Variants in HMCN1 observed in about 807,000 individuals in gnomAD.
HMCN1 encodes hemicentin-1.
In HMCN1, 321 loss-of-function variants were observed where a neutral mutation model predicts 625.9. That is an observed-to-expected ratio of 0.51 (90% CI 0.47 to 0.56). The LOEUF (loss-of-function observed/expected upper bound fraction) is 0.56. HMCN1 is among the 20% of genes least tolerant of loss of function. The probability of loss-of-function intolerance (pLI) is 0.00; values close to 1 mark genes in which losing one functional copy is unlikely to be tolerated. For missense variants in HMCN1, 6,588 were observed against 6,887.3 expected, an observed-to-expected ratio of 0.96 and a Z score of 1.54; for synonymous variants, 2,425 against 2,417.6, an observed-to-expected ratio of 1.00 and a Z score of -0.09.
Position 186,088,271 on chromosome 1 carries a change from G to T in HMCN1, c.9572G>T (p.Arg3191Leu), listed in dbSNP as rs368825571. The T allele has an allele frequency of 1.2e-6, 2 of 1,612,530 alleles. No homozygotes were observed. The highest frequency in any genetic ancestry group is 1.1e-5 in the South Asian group (1 of 91,060). Residue 3191 changes from arginine (R) to leucine (L), a missense_variant, in exon 62 of 107, where the codon CGC becomes CTC. By Grantham distance (102) the Arg-to-Leu change is moderately radical. Coordinates refer to ENST00000271588, the MANE Select transcript of HMCN1 (RefSeq NM_031935.3). ...PTIAWLKNHK[R>L]IENSDSLEVR... ...ATAGCATGGTTAAAGAACCACAAGC[G>T]CATAGGTAAGGCAACCATGCATTTT...
At chr1:185,837,709 C>T (rs1317679166) in intron 1 of HMCN1, among the ~76,000 whole-genome samples, 1 of 151,984 alleles carries the variant, frequency 6.6e-6, no homozygotes, top group Admixed American at 6.6e-5. Context: ...GTAGAGAGTA[C>T]TATTTAACCC....
intron 11 of HMCN1, among the ~76,000 whole-genome samples, chr1:185,947,222 A>T (rs1668393986): frequency 6.6e-6 from 1 of 152,196 alleles, no homozygotes; most frequent in Non-Finnish European, 1.5e-5. Flanking sequence ...GGGTTGTCCA[A>T]TAGGACTTTC....
rs536252393 is a variant in HMCN1 at position 186,051,224 on chromosome 1, G to A, written c.6578-1728G>A. Reference sequence around the variant, plus strand: ...AATAAACTAAAGGGATTTAAAGAAGGACCGGATGCTCAGGTCTGTATTTTA... The same window carrying A: ...AATAAACTAAAGGGATTTAAAGAAGAACCGGATGCTCAGGTCTGTATTTTA... On this transcript the variant is annotated intron_variant, in intron 42 of 106. Coordinates refer to ENST00000271588, the MANE Select transcript of HMCN1 (RefSeq NM_031935.3). Among the ~76,000 whole-genome samples the A allele has an allele frequency of 3.5e-4, 54 of 152,164 alleles. 1 individual carries two copies. The South Asian group carries it at 0.011, about 30-fold the overall frequency.
At chr1:185,982,503 G>C in intron 18 of HMCN1, 114 bp downstream of exon 18, 66 of 971,528 alleles carry the variant, frequency 6.8e-5, no homozygotes, top group South Asian at 1.1e-4. Context: ...TGCAGTGGTG[G>C]GATCTAGGCT....
chr1:185,962,431 G>A, intron 11 of HMCN1, 87 bp from the exon 12 acceptor site: 1 of 1,095,408 alleles, frequency 9.1e-7, no homozygotes, highest in Non-Finnish European at 1.4e-6. Context: ...ATGTGGTGGT[G>A]AGAAACCTAC....
chr1:186,123,256 C>T, intron 81 of HMCN1, 36 bp downstream of exon 81: 1 of 1,595,722 alleles, frequency 6.3e-7, no homozygotes, highest in Non-Finnish European at 8.5e-7. Flanking sequence ...TAGTCTGCTG[C>T]ACTACCATGG....
chr1:186,093,195 T>C lies in HMCN1; in HGVS notation c.9949T>C (p.Tyr3317His). The C allele has an allele frequency of 1.2e-6, 2 of 1,613,364 alleles. No homozygotes were observed. Among genetic ancestry groups the C allele is most frequent in the Non-Finnish European group, 1.7e-6 (2 of 1,179,576 alleles). ...AGCTCTTACATCTGACACGGGGAAA[T>C]ACACATGTGTTGCTACTAATCCCGC... Reference protein sequence around the residue: ...YGALTSDTGKYTCVATNPAGE... With the variant: ...YGALTSDTGKHTCVATNPAGE... The change falls in exon 65 of 107, where the codon TAC becomes CAC. Residue 3317 changes from tyrosine (Y) to histidine (H), a missense_variant. Around this residue, in one of 3 missense-constraint regions of HMCN1, gnomAD observed 4,628 missense variants for 4,853.1 expected, o/e 0.95. Transcript: ENST00000271588.
rs141393950 is a variant in HMCN1, at chr1:186,061,927, T to C, written c.7389T>C (p.Ala2463=). 5.0e-6 allele frequency: 8 copies of C among 1,612,708 alleles called. No individual in the cohort carries two copies. In the African/African-American group the frequency reaches 9.3e-5, roughly 19 times the overall value. The change falls in exon 47 of 107, where the codon GCT becomes GCC. Residue 2463 remains alanine (A), a synonymous_variant. Transcript: ENST00000271588. ...ATACTTGCGTTGTAAGGAATGCAGC[T>C]GGTGAAGAAAGAAAAATCTTTGGGC... is the stretch of plus-strand genomic sequence containing the variant. ...GQYTCVVRNA[A]GEERKIFGLS...
Position 186,119,900 on chromosome 1 carries a change from T to G in HMCN1, c.12094+18T>G. 5 of 1,614,086 alleles carry G rather than the reference T, an allele frequency of 3.1e-6. No individual in the cohort carries two copies. Among genetic ancestry groups the G allele is most frequent in the Non-Finnish European group, 4.2e-6 (5 of 1,179,960 alleles). ...CACTTCAGGTACCTACCACTGTTTT[T>G]CTATCAAGAAAATCATAGCACATCA... On this transcript the variant is annotated intron_variant, in intron 79 of 106. Coordinates refer to ENST00000271588, the MANE Select transcript of HMCN1 (RefSeq NM_031935.3).
intron 18 of HMCN1, 131 bp downstream of exon 18, chr1:185,982,520 A>T: frequency 1.3e-6 from 1 of 796,930 alleles, no homozygotes; most frequent in Non-Finnish European, 2.0e-6. Context: ...GGCTCACCGC[A>T]ACCTCTGCCT....
chr1:186,107,022 T>C, intron 70 of HMCN1, 57 bp downstream of exon 70: 8 of 1,010,802 alleles, frequency 7.9e-6, no homozygotes, highest in Non-Finnish European at 1.1e-5. Context: ...TAGAAAACCC[T>C]GGGACAACAC....
intron 1 of HMCN1, among the ~76,000 whole-genome samples, chr1:185,759,123 G>A (rs1435432875): frequency 6.6e-6 from 1 of 152,152 alleles, no homozygotes; most frequent in Non-Finnish European, 1.5e-5. Flanking sequence ...ACATAACTTG[G>A]CTGGAACCTG....
intron 2 of HMCN1, among the ~76,000 whole-genome samples, 189 bp downstream of exon 2, chr1:185,846,285 G>A (rs1661808941): frequency 6.6e-6 from 1 of 152,170 alleles, no homozygotes; most frequent in Non-Finnish European, 1.5e-5. Context: ...TAGGACAGAT[G>A]GGGTTTGAAA....
chr1:185,977,891 T>C lies in HMCN1; in HGVS notation c.2476T>C (p.Trp826Arg). The C allele has an allele frequency of 6.2e-7, 1 of 1,613,458 alleles. No individual in the cohort carries two copies. The highest frequency in any genetic ancestry group is 8.5e-7 in the Non-Finnish European group (1 of 1,179,578). Residue 826 changes from tryptophan (W) to arginine (R), a missense_variant, in exon 16 of 107, where the codon TGG (tryptophan) becomes CGG (arginine). By Grantham distance (101) the Trp-to-Arg change is moderately radical (BLOSUM62 -3). Transcript: ENST00000271588. ...VQGYPEPTIK[W>R]RRLDNMPIFS... Reference sequence around the variant, plus strand: ...GGGTTATCCAGAACCAACAATCAAATGGCGAAGATTAGACAACATGCCAAT... The same window carrying C: ...GGGTTATCCAGAACCAACAATCAAACGGCGAAGATTAGACAACATGCCAAT...
chr1:186,000,236 C>T lies in HMCN1; in HGVS notation c.4066C>T (p.His1356Tyr), dbSNP rs1653085372. Residue 1356 changes from histidine to tyrosine, a missense_variant, in exon 26 of 107, where the codon CAT becomes TAT. Physicochemically the swap from His to Tyr is moderately conservative, Grantham distance 83 (BLOSUM62 2). Around this residue, in one of 3 missense-constraint regions of HMCN1, gnomAD observed 4,628 missense variants for 4,853.1 expected, o/e 0.95. Coordinates refer to ENST00000271588, the MANE Select transcript of HMCN1 (RefSeq NM_031935.3). ...AGAAAGAAAATATAACCTCAAAGTC[C>T]ATGGTAAATGTAGCTAAAATCATGT... ...TTERKYNLKVHVPPVIKDKEQ... is the reference protein window; with the variant it reads ...TTERKYNLKVYVPPVIKDKEQ... The T allele has an allele frequency of 1.2e-6, 2 of 1,611,108 alleles. No homozygotes were observed. The highest frequency in any genetic ancestry group is 2.2e-5 in the South Asian group (2 of 90,994).
intron 15 of HMCN1, among the ~76,000 whole-genome samples, chr1:185,977,337 A>T (rs1040052927): frequency 2.0e-5 from 3 of 152,188 alleles, no homozygotes; most frequent in Non-Finnish European, 4.4e-5. Flanking sequence ...TATAGTGATT[A>T]TAGAATAATG....
At chr1:185,813,563 C>T (rs576813955) in intron 1 of HMCN1, among the ~76,000 whole-genome samples, 1 of 152,212 alleles carries the variant, frequency 6.6e-6, no homozygotes, top group South Asian at 2.1e-4. Context: ...ATGGATCTGT[C>T]AGTACCAGCA....
At chr1:186,132,102 A>G (rs957681792) in intron 85 of HMCN1, among the ~76,000 whole-genome samples, 2 of 152,040 alleles carry the variant, frequency 1.3e-5, no homozygotes, top group East Asian at 1.9e-4. Context: ...CTATTTTGAG[A>G]AAGTTTAGGC....
rs758157151 is a variant in HMCN1, at chr1:186,172,095, A to T, written c.15778A>T (p.Asn5260Tyr). 5 of 1,613,902 alleles carry T rather than the reference A, an allele frequency of 3.1e-6. No homozygotes were observed. In the South Asian group the frequency reaches 3.3e-5, roughly 11 times the overall value. ...GGYKCIDLCP[N>Y]GMTKAENGTC... Reference sequence around the variant, plus strand: ...CTATAAGTGCATTGATCTTTGTCCAAATGGAATGACCAAGGCAGAAAATGG... The same window carrying T: ...CTATAAGTGCATTGATCTTTGTCCATATGGAATGACCAAGGCAGAAAATGG... The change falls in exon 102 of 107, where the codon AAT becomes TAT. Residue 5260 changes from asparagine (N) to tyrosine (Y), a missense_variant. Asn to Tyr is a moderately radical substitution (Grantham distance 143). Around this residue, in one of 3 missense-constraint regions of HMCN1, gnomAD observed 1,954 missense variants for 2,013.1 expected, o/e 0.97. Coordinates refer to ENST00000271588, the MANE Select transcript of HMCN1 (RefSeq NM_031935.3).
Sources: gnomAD v4.1 joint callset for allele counts (sites outside exome capture counted in the v4.1 genomes callset) on GRCh38, gnomAD v4.1.1 for gene constraint, gnomAD v4.1.1 regional missense constraint, MANE v1.5 for transcripts, NCBI Gene and HGNC (gene_info 2026-07-23, HGNC 2026-07-21) for gene names.